ICOS: variants seen among roughly 807,000 people sequenced by gnomAD.
The protein encoded by ICOS is inducible T cell costimulator.
ICOS carries 15 observed loss-of-function variants against 24.6 expected under a neutral mutation model. The observed-to-expected ratio is 0.61, with a 90% CI of 0.41 to 0.94. The LOEUF (loss-of-function observed/expected upper bound fraction) is 0.94, where lower values mean the gene tolerates loss of function less well. Among genes scored for constraint, ICOS ranks in the 40% least tolerant of loss-of-function variants. The pLI, the probability that ICOS is intolerant of heterozygous loss-of-function variation, is 0.00. For missense variants in ICOS, 200 were observed against 233.0 expected, an observed-to-expected ratio of 0.86 and a Z score of 0.92; for synonymous variants, 89 against 77.5, an observed-to-expected ratio of 1.15 and a Z score of -0.78.
chr2:203,950,121 C>A (rs1374007933), intron 1 of ICOS, among the ~76,000 whole-genome samples: 1 of 152,116 alleles, frequency 6.6e-6, no homozygotes, highest in Non-Finnish European at 1.5e-5. Flanking sequence ...CACTGAATAC[C>A]GGAGACTGGG....
At chr2:203,959,259 T>G (rs1690128407) in intron 4 of ICOS, among the ~76,000 whole-genome samples, 1 of 152,202 alleles carries the variant, frequency 6.6e-6, no homozygotes, top group Admixed American at 6.5e-5. Flanking sequence ...TGAAATGCAG[T>G]GGGGCTGTTG....
intron 1 of ICOS, among the ~76,000 whole-genome samples, chr2:203,953,376 A>T (rs1690018750): frequency 6.6e-6 from 1 of 152,182 alleles, no homozygotes; most frequent in South Asian, 2.1e-4. Context: ...TAATGCTTTT[A>T]ATAATATTTT....
chr2:203,959,544 A>T (rs2105756874), intron 4 of ICOS, 42 bp from the exon 5 acceptor site: 2 of 1,590,200 alleles, frequency 1.3e-6, no homozygotes, highest in Non-Finnish European at 1.7e-6. Context: ...GAACTGGCAC[A>T]TGGAGAGCAT....
At chr2:203,951,094 A>G (rs961439777) in intron 1 of ICOS, among the ~76,000 whole-genome samples, 1 of 152,068 alleles carries the variant, frequency 6.6e-6, no homozygotes, top group African/African-American at 2.4e-5. Flanking sequence ...AATAGAAATG[A>G]CACTCTGAAA....
At position 203,953,074 on chromosome 2, in the gene ICOS, A is replaced by G. The variant is rs1454088066; in HGVS notation, c.59-2562A>G. 2.0e-5 allele frequency among the ~76,000 whole-genome samples: 3 copies of G among 152,168 alleles called. No individual in the cohort carries two copies. The East Asian group carries it at 5.8e-4, about 29-fold the overall frequency. On this transcript the variant is annotated intron_variant, in intron 1 of 4. Transcript: ENST00000316386. ...AAGGATTGAGGTTTTCTAACCATTG[A>G]AGTCCAGAAGATTTTTCTGGACCAT...
At chr2:203,941,821 ACACAAAT>A (rs1435228221) in intron 1 of ICOS, among the ~76,000 whole-genome samples, 1 of 152,230 alleles carries the variant, frequency 6.6e-6, no homozygotes, top group African/African-American at 2.4e-5. Context: ...GGGATATGTC[ACACAAAT>A]TGAAAGTGTT....
rs1051209093 is a variant in ICOS, at chr2:203,957,756, A to C, written c.502-43A>C. ...AAACAGTCAAAAAACAAAGAGATGG[A>C]GAAGAAAAGATGACCAAGCATGTTT... is the stretch of plus-strand genomic sequence containing the variant. On this transcript the variant is annotated intron_variant, in intron 3 of 4. Coordinates refer to ENST00000316386, the MANE Select transcript of ICOS (RefSeq NM_012092.4). The C allele has an allele frequency of 2.9e-6, 4 of 1,376,222 alleles. No homozygotes were observed. The African/African-American group carries it at 4.3e-5, about 15-fold the overall frequency. 85.3% of individuals were successfully genotyped at this position (1,376,222 alleles called of 1,614,324 possible).
Position 203,960,595 on chromosome 2 carries a change from A to G in ICOS, c.*996A>G, listed in dbSNP as rs1047762877. On this transcript the variant is annotated 3_prime_UTR_variant, in exon 5 of 5. Transcript: ENST00000316386. ...TGTAGATCATATTAAAATTGCAAACAAAATCATCTTTAATGGGCCAGCATT... is the reference window on the plus strand; with the variant it reads ...TGTAGATCATATTAAAATTGCAAACGAAATCATCTTTAATGGGCCAGCATT... The G allele has an allele frequency of 1.1e-4, 16 of 152,250 alleles. No individual in the cohort carries two copies. Among genetic ancestry groups the G allele is most frequent in the African/African-American group, 3.9e-4 (16 of 41,456 alleles). 9.4% of individuals were successfully genotyped at this position (152,250 alleles called of 1,614,324 possible). A position where few individuals can be genotyped will look rare whatever the true frequency, so the allele number is the denominator to read the frequency against.
Position 203,957,891 on chromosome 2 carries a change from T to G in ICOS, c.586+8T>G, listed in dbSNP as rs1411793839. The G allele has an allele frequency of 6.4e-7, 1 of 1,561,210 alleles. No homozygotes were observed. Among genetic ancestry groups the G allele is most frequent in the Non-Finnish European group, 8.8e-7 (1 of 1,132,232 alleles). On this transcript the variant is annotated splice_region_variant and intron_variant, in intron 4 of 4. Coordinates refer to ENST00000316386, the MANE Select transcript of ICOS (RefSeq NM_012092.4). ...AAAAATCTAGACTCACAGGTATGAC[T>G]CCATTTGGGGGTTTGGGAAGGGAAG...
chr2:203,957,665 C>A, intron 3 of ICOS, 134 bp from the exon 4 acceptor site: 2 of 721,382 alleles, frequency 2.8e-6, no homozygotes, highest in South Asian at 3.0e-5. Flanking sequence ...TTCTACTTAG[C>A]CTAAAGCCAG....
intron 1 of ICOS, among the ~76,000 whole-genome samples, chr2:203,938,564 T>C (rs979898923): frequency 8.5e-5 from 13 of 152,204 alleles, no homozygotes; most frequent in African/African-American, 2.9e-4. Context: ...TTTTGGATAT[T>C]CTTCCAAGAA....
chr2:203,946,615 A>T (rs1303158568), intron 1 of ICOS, among the ~76,000 whole-genome samples: 2 of 152,226 alleles, frequency 1.3e-5, no homozygotes, highest in African/African-American at 4.8e-5. Context: ...TGGTAGACTC[A>T]TAAGACATGA....
In ICOS at chr2:203,936,859, T is replaced by G. The variant is rs762842725; in HGVS notation, c.45T>G (p.Ile15Met). The G allele has an allele frequency of 8.7e-6, 14 of 1,608,732 alleles. No homozygotes were observed. Among genetic ancestry groups the G allele is most frequent in the Admixed American group, 5.0e-5 (3 of 60,000 alleles). ...LWYFFLFCLRIKVLTGEINGS... is the reference protein window; with the variant it reads ...LWYFFLFCLRMKVLTGEINGS... ...ATTTCTTTCTCTTCTGCTTGCGCAT[T>G]AAAGTTTTAACAGGTAAGTGGTGTA... Residue 15 changes from isoleucine (I) to methionine (M), a missense_variant, in exon 1 of 5, where the codon ATT (isoleucine) becomes ATG (methionine). Coordinates refer to ENST00000316386, the MANE Select transcript of ICOS (RefSeq NM_012092.4).
At position 203,959,797 on chromosome 2, in the gene ICOS, T is replaced by C. The variant is rs1690145497; in HGVS notation, c.*198T>C. The C allele has an allele frequency of 4.6e-6, 3 of 649,760 alleles. No homozygotes were observed. Among genetic ancestry groups the C allele is most frequent in the Admixed American group, 2.3e-5 (1 of 44,168 alleles). The allele number at this position is 649,760 out of a possible 1,614,324, so 40.2% of individuals were successfully genotyped here. A position where few individuals can be genotyped will look rare whatever the true frequency, so the allele number is the denominator to read the frequency against. On this transcript the variant is annotated 3_prime_UTR_variant, in exon 5 of 5. Transcript: ENST00000316386. ...AGACTGCCTTGGTACTGCCGAGTCC[T>C]CTCAAAACAAACACCCTCTTGCAAC...
chr2:203,945,824 T>G (rs1689857398), intron 1 of ICOS, among the ~76,000 whole-genome samples: 1 of 152,202 alleles, frequency 6.6e-6, no homozygotes. Context: ...CATGATGTGT[T>G]AGGGTAAAAC....
At position 203,959,873 on chromosome 2, in the gene ICOS, T is replaced by C. The variant is rs1159539740; in HGVS notation, c.*274T>C. 5.4e-6 allele frequency: 3 copies of C among 553,426 alleles called. No individual in the cohort carries two copies. Among genetic ancestry groups the C allele is most frequent in the Non-Finnish European group, 9.8e-6 (3 of 306,762 alleles). 34.3% of individuals were successfully genotyped at this position (553,426 alleles called of 1,614,324 possible). On this transcript the variant is annotated 3_prime_UTR_variant, in exon 5 of 5. Transcript: ENST00000316386. ...GTGTGCTCACTGGGAGTGGAATCCCTGTCTCCACATCTGCTCCTAGCAGTG... is the reference window on the plus strand; with the variant it reads ...GTGTGCTCACTGGGAGTGGAATCCCCGTCTCCACATCTGCTCCTAGCAGTG...
At chr2:203,958,628 C>T (rs1690118431) in intron 4 of ICOS, among the ~76,000 whole-genome samples, 1 of 152,078 alleles carries the variant, frequency 6.6e-6, no homozygotes, top group Non-Finnish European at 1.5e-5. Context: ...TACAGATTAT[C>T]TAAAGGGGAC....
rs200367053 is a variant in ICOS at position 203,959,615 on chromosome 2, C to T, written c.*16C>T. 5 of 1,612,506 alleles carry T rather than the reference C, an allele frequency of 3.1e-6. No homozygotes were observed. The highest frequency in any genetic ancestry group is 1.7e-5 in the Admixed American group (1 of 60,014). On this transcript the variant is annotated 3_prime_UTR_variant, in exon 5 of 5. Coordinates refer to ENST00000316386, the MANE Select transcript of ICOS (RefSeq NM_012092.4). ...GACCCTATAATATGGAACTCTGGCA[C>T]CCAGGCATGAAGCACGTTGGCCAGT...
chr2:203,957,875 G>A lies in ICOS; in HGVS notation c.578G>A (p.Arg193Lys), dbSNP rs948265313. The A allele has an allele frequency of 1.2e-6, 2 of 1,604,180 alleles. No individual in the cohort carries two copies. The highest frequency in any genetic ancestry group is 1.7e-5 in the Admixed American group (1 of 59,954). ...MRAVNTAKKS[R>K]LTDVTL is the part of the protein sequence containing the mutation. ...GCAGTGAACACAGCCAAAAAATCTA[G>A]ACTCACAGGTATGACTCCATTTGGG... is the stretch of plus-strand genomic sequence containing the variant. The change falls in exon 4 of 5, where the codon AGA (arginine) becomes AAA (lysine). Residue 193 changes from arginine (R) to lysine (K), a missense_variant. By Grantham distance (26) the Arg-to-Lys change is conservative. Transcript: ENST00000316386.
Sources: gnomAD v4.1 joint callset for allele counts (sites outside exome capture counted in the v4.1 genomes callset) on GRCh38, gnomAD v4.1.1 for gene constraint, MANE v1.5 for transcripts, NCBI Gene and HGNC (gene_info 2026-07-23, HGNC 2026-07-21) for gene names.